FANCC: variants seen among roughly 807,000 people sequenced by gnomAD.
FANCC encodes FA complementation group C.
A neutral mutation model predicts 71.3 loss-of-function variants in FANCC; 55 were observed. That is an observed-to-expected ratio of 0.77 (90% CI 0.62 to 0.97). The LOEUF (loss-of-function observed/expected upper bound fraction) is 0.97. Ranked by LOEUF, FANCC falls within the 50% of genes least tolerant of loss-of-function variation. The pLI, the probability that FANCC is intolerant of heterozygous loss-of-function variation, is 0.00. For synonymous variants in FANCC, 275 were observed against 244.9 expected, an observed-to-expected ratio of 1.12 and a Z score of -1.15; for missense variants, 678 against 670.9, an observed-to-expected ratio of 1.01 and a Z score of -0.12.
At chr9:95,107,419 C>T (rs377575774) in intron 13 of FANCC, 150 bp from the exon 14 acceptor site, 24 of 785,752 alleles carry the variant, frequency 3.1e-5, no homozygotes, top group East Asian at 5.4e-5. Context: ...AATTTACACT[C>T]GATTTCACAC....
chr9:95,305,952 A>G (rs910273857), intron 1 of FANCC, among the ~76,000 whole-genome samples: 2 of 152,158 alleles, frequency 1.3e-5, no homozygotes, highest in Non-Finnish European at 2.9e-5. Flanking sequence ...AAATTGTTTA[A>G]CCTGAGGTTT....
chr9:95,188,665 T>G (rs145733180), intron 4 of FANCC, among the ~76,000 whole-genome samples: 3 of 152,346 alleles, frequency 2.0e-5, no homozygotes, highest in Non-Finnish European at 2.9e-5. Context: ...CCGAAACACG[T>G]CAGTGTTTGT....
At position 95,101,126 on chromosome 9, in the gene FANCC, G is replaced by A. The variant is rs758039948; in HGVS notation, c.*581C>T. The stretch of plus-strand genomic sequence containing the variant: ...TACAGAGTGGAAAGAGTGTGCCGGA[G>A]GCCCGGGCTTGGGTGTGCTGTCTGC... On this transcript the variant is annotated 3_prime_UTR_variant, in exon 15 of 15. Coordinates refer to ENST00000289081, the MANE Select transcript of FANCC (RefSeq NM_000136.3). 1.7e-5 allele frequency: 4 copies of A among 240,346 alleles called. No homozygotes were observed. Among genetic ancestry groups the A allele is most frequent in the Non-Finnish European group, 3.3e-5 (4 of 122,072 alleles). The allele number at this position is 240,346 out of a possible 1,614,324, so 14.9% of individuals were successfully genotyped here.
intron 1 of FANCC, among the ~76,000 whole-genome samples, chr9:95,292,180 C>T (rs888511083): frequency 6.7e-6 from 1 of 149,254 alleles, no homozygotes; most frequent in Admixed American, 6.7e-5. Context: ...TTGACAAAGG[C>T]GCCAAGAACA....
chr9:95,303,736 C>A (rs1834897070), intron 1 of FANCC, among the ~76,000 whole-genome samples: 1 of 152,194 alleles, frequency 6.6e-6, no homozygotes, highest in African/African-American at 2.4e-5. Flanking sequence ...ACCGGTATGA[C>A]TTCCTAAAGG....
chr9:95,213,817 G>T (rs984290569), intron 4 of FANCC, among the ~76,000 whole-genome samples: 1 of 152,086 alleles, frequency 6.6e-6, no homozygotes, highest in Non-Finnish European at 1.5e-5. Flanking sequence ...TCAAATAGTC[G>T]AAATTTAAAA....
At chr9:95,196,277 T>A (rs889399461) in intron 4 of FANCC, among the ~76,000 whole-genome samples, 9 of 152,172 alleles carry the variant, frequency 5.9e-5, no homozygotes, top group African/African-American at 2.2e-4. Context: ...TTCCCCACTA[T>A]TAATTTATTG....
intron 4 of FANCC, among the ~76,000 whole-genome samples, chr9:95,228,959 A>G (rs1380250077): frequency 1.2e-4 from 19 of 152,176 alleles, no homozygotes; most frequent in Admixed American, 1.2e-3. Context: ...TTCACTTTGA[A>G]TAAGACAGGA....
intron 4 of FANCC, among the ~76,000 whole-genome samples, chr9:95,235,563 G>A (rs964295858): frequency 1.1e-4 from 16 of 152,138 alleles, no homozygotes; most frequent in African/African-American, 2.9e-4. Context: ...GGCACAAAGT[G>A]GCCAGGCACA....
chr9:95,107,001 A>G (rs1277882710), intron 14 of FANCC, 65 bp downstream of exon 14: 14 of 1,517,384 alleles, frequency 9.2e-6, no homozygotes, highest in Non-Finnish European at 1.3e-5. Flanking sequence ...ACCCTCGGAC[A>G]GGTAACCCAC....
At chr9:95,238,206 G>C (rs539191303) in intron 4 of FANCC, among the ~76,000 whole-genome samples, 3 of 152,030 alleles carry the variant, frequency 2.0e-5, no homozygotes, top group Admixed American at 2.0e-4. Context: ...CTCTGGGAGC[G>C]GACCTTACCT....
Position 95,099,059 on chromosome 9 carries a change from T to C in FANCC, c.*2648A>G, listed in dbSNP as rs2070996055. 5.4e-6 allele frequency: 1 copy of C among 185,432 alleles called. No homozygotes were observed. Among genetic ancestry groups the C allele is most frequent in the African/African-American group, 2.3e-5 (1 of 42,662 alleles). 11.5% of individuals were successfully genotyped at this position (185,432 alleles called of 1,614,324 possible). ...AATATTTAATGGATACAACATTAGG[T>C]GCAAACTGAAGTTTTATTTAGAATG... is the stretch of plus-strand genomic sequence containing the variant. On this transcript the variant is annotated 3_prime_UTR_variant, in exon 15 of 15. Transcript: ENST00000289081.
intron 7 of FANCC, chr9:95,145,585 A>G (rs1369074706): frequency 6.6e-6 from 1 of 152,162 alleles, no homozygotes; most frequent in Non-Finnish European, 1.5e-5. Context: ...ACAAACTAAT[A>G]ACAACCCTAG....
At chr9:95,161,507 A>G (rs1003740618) in intron 6 of FANCC, among the ~76,000 whole-genome samples, 2 of 152,200 alleles carry the variant, frequency 1.3e-5, no homozygotes, top group Non-Finnish European at 2.9e-5. Context: ...GGTTGTGCCT[A>G]TTTATGTTCC....
intron 1 of FANCC, among the ~76,000 whole-genome samples, chr9:95,280,546 G>A (rs972391016): frequency 6.6e-6 from 1 of 152,034 alleles, no homozygotes; most frequent in Non-Finnish European, 1.5e-5. Flanking sequence ...ATATTTAAAA[G>A]AACATTAGTA....
chr9:95,315,505 T>A (rs1040754579), intron 1 of FANCC, among the ~76,000 whole-genome samples: 16 of 152,234 alleles, frequency 1.1e-4, no homozygotes, highest in Non-Finnish European at 2.4e-4. Flanking sequence ...ATTACAGGCA[T>A]AAGCCACCAT....
intron 4 of FANCC, among the ~76,000 whole-genome samples, chr9:95,213,619 C>T (rs894522768): frequency 2.1e-4 from 32 of 152,158 alleles, no homozygotes; most frequent in African/African-American, 6.8e-4. Context: ...AATAATGCAA[C>T]TGTGTACCCT....
chr9:95,234,907 C>G (rs1398583437), intron 4 of FANCC, among the ~76,000 whole-genome samples: 2 of 152,190 alleles, frequency 1.3e-5, no homozygotes, highest in African/African-American at 4.8e-5. Context: ...GAGGACTTCT[C>G]TCTTACTCGG....
chr9:95,100,308 C>T lies in FANCC; in HGVS notation c.*1399G>A, dbSNP rs578111829. The T allele has an allele frequency of 1.3e-5, 3 of 232,598 alleles. No homozygotes were observed. Among genetic ancestry groups the T allele is most frequent in the African/African-American group, 6.6e-5 (3 of 45,458 alleles). 14.4% of individuals were successfully genotyped at this position (232,598 alleles called of 1,614,324 possible). ...CTTTACCAGCACACCCTTCTGACTG[C>T]AGCATTTCTCAGAAGAAAGGCTCAG... On this transcript the variant is annotated 3_prime_UTR_variant, in exon 15 of 15. Coordinates refer to ENST00000289081, the MANE Select transcript of FANCC (RefSeq NM_000136.3).
Sources: gnomAD v4.1 joint callset for allele counts (sites outside exome capture counted in the v4.1 genomes callset) on GRCh38, gnomAD v4.1.1 for gene constraint, MANE v1.5 for transcripts, NCBI Gene and HGNC (gene_info 2026-07-23, HGNC 2026-07-21) for gene names.